Variants in PRKG1 observed in about 807,000 individuals in gnomAD.
PRKG1 encodes protein kinase cGMP-dependent 1.
A neutral mutation model predicts 88.1 loss-of-function variants in PRKG1; 35 were observed. That is an observed-to-expected ratio of 0.40 (90% CI 0.30 to 0.53). The LOEUF is 0.53. Among genes scored for constraint, PRKG1 ranks in the 20% least tolerant of loss-of-function variants. PRKG1 has a pLI of 0.59. For synonymous variants in PRKG1, 303 were observed against 292.5 expected, an observed-to-expected ratio of 1.04 and a Z score of -0.37; for missense variants, 540 against 839.8, an observed-to-expected ratio of 0.64 and a Z score of 4.41.
At chr10:51,620,036 C>A (rs1205693977) in intron 3 of PRKG1, among the ~76,000 whole-genome samples, 1 of 152,044 alleles carries the variant, frequency 6.6e-6, no homozygotes, top group African/African-American at 2.4e-5. Context: ...GGCAGACAAC[C>A]AGAGTAGTTA....
chr10:51,662,977 G>A (rs998587398), intron 3 of PRKG1, among the ~76,000 whole-genome samples: 13 of 152,030 alleles, frequency 8.6e-5, no homozygotes, highest in East Asian at 1.9e-4. Flanking sequence ...TAGCGAGTTC[G>A]GCTTTTAACC....
intron 5 of PRKG1, among the ~76,000 whole-genome samples, chr10:51,921,448 G>A (rs1842461218): frequency 6.6e-6 from 1 of 152,028 alleles, no homozygotes; most frequent in Non-Finnish European, 1.5e-5. Flanking sequence ...CTAATATAAT[G>A]CTGAATAGGA....
At chr10:51,695,122 C>T (rs1406267306) in intron 3 of PRKG1, among the ~76,000 whole-genome samples, 2 of 151,958 alleles carry the variant, frequency 1.3e-5, no homozygotes, top group Admixed American at 6.6e-5. Context: ...ATAGGCTGTC[C>T]CTGTGTTCAG....
chr10:51,948,912 A>G (rs185416353), intron 5 of PRKG1, among the ~76,000 whole-genome samples: 1 of 152,240 alleles, frequency 6.6e-6, no homozygotes, highest in Non-Finnish European at 1.5e-5. Flanking sequence ...AAAGTATAAG[A>G]TAACCAGAAT....
intron 3 of PRKG1, among the ~76,000 whole-genome samples, chr10:51,505,486 A>C (rs1374850974): frequency 2.0e-5 from 3 of 152,178 alleles, no homozygotes; most frequent in East Asian, 1.9e-4. Flanking sequence ...CTGGCCTCAT[A>C]AAATGAGTTA....
intron 2 of PRKG1, among the ~76,000 whole-genome samples, chr10:51,379,053 A>C (rs892575840): frequency 1.3e-5 from 2 of 152,146 alleles, no homozygotes; most frequent in Admixed American, 6.6e-5. Flanking sequence ...TTGACTCTCT[A>C]TCCCACCTCT....
At chr10:51,190,297 T>C (rs1367130824) in intron 2 of PRKG1, among the ~76,000 whole-genome samples, 2 of 151,876 alleles carry the variant, frequency 1.3e-5, no homozygotes, top group African/African-American at 4.8e-5. Flanking sequence ...CTACAGATGA[T>C]GGATTATGAA....
chr10:51,075,014 C>G, intron 1 of PRKG1, 113 bp downstream of exon 1: 1 of 1,379,816 alleles, frequency 7.2e-7, no homozygotes, highest in Non-Finnish European at 9.7e-7. Context: ...TGTCCTCATC[C>G]TCAGAAATGT....
intron 2 of PRKG1, among the ~76,000 whole-genome samples, chr10:51,164,951 G>A (rs1222655427): frequency 6.6e-6 from 1 of 152,210 alleles, no homozygotes; most frequent in African/African-American, 2.4e-5. Context: ...CGGGGAAAAT[G>A]GAACCAAGTT....
intron 3 of PRKG1, among the ~76,000 whole-genome samples, chr10:51,502,291 C>A (rs1237415038): frequency 6.6e-6 from 1 of 152,052 alleles, no homozygotes; most frequent in South Asian, 2.1e-4. Flanking sequence ...TCAGAATAAT[C>A]CTATCCCTGG....
At chr10:51,975,702 A>G (rs1003805898) in intron 5 of PRKG1, among the ~76,000 whole-genome samples, 2 of 152,114 alleles carry the variant, frequency 1.3e-5, no homozygotes, top group African/African-American at 4.8e-5. Context: ...TAAAACTCTT[A>G]GAAGGAAACA....
chr10:51,282,782 CAAA>C (rs35715275), intron 2 of PRKG1, among the ~76,000 whole-genome samples: 10 of 151,078 alleles, frequency 6.6e-5, no homozygotes, highest in African/African-American at 2.4e-4. Context: ...ACAAATTATA[CAAA>C]AAAAAACTAC....
At chr10:52,180,770 C>G (rs748003099) in intron 9 of PRKG1, among the ~76,000 whole-genome samples, 1 of 152,110 alleles carries the variant, frequency 6.6e-6, no homozygotes, top group Admixed American at 6.5e-5. Context: ...TACATGCGCA[C>G]GGTGAGTTGG....
At chr10:51,141,203 A>T (rs1286338001) in intron 1 of PRKG1, among the ~76,000 whole-genome samples, 1 of 152,112 alleles carries the variant, frequency 6.6e-6, no homozygotes, top group Non-Finnish European at 1.5e-5. Context: ...GAGTTACATC[A>T]TGTGCCTGCC....
chr10:51,717,879 C>G (rs1056648111), intron 3 of PRKG1, among the ~76,000 whole-genome samples: 15 of 151,570 alleles, frequency 9.9e-5, no homozygotes, highest in Admixed American at 9.9e-4. Context: ...ACAGCACAGA[C>G]AGCACATTAC....
chr10:51,153,056 A>G, intron 1 of PRKG1, 108 bp from the exon 2 acceptor site: 1 of 838,298 alleles, frequency 1.2e-6, no homozygotes, highest in East Asian at 3.0e-5. Context: ...ATTCCTAACA[A>G]GAAAATACAT....
At chr10:52,068,140 T>C (rs1846402388) in intron 7 of PRKG1, among the ~76,000 whole-genome samples, 1 of 135,228 alleles carries the variant, frequency 7.4e-6, no homozygotes, top group Non-Finnish European at 1.6e-5. Context: ...GAGGCGGAGC[T>C]TGCAGTGAGT....
At chr10:51,313,595 T>G (rs533254494) in intron 2 of PRKG1, among the ~76,000 whole-genome samples, 1 of 152,120 alleles carries the variant, frequency 6.6e-6, no homozygotes, top group African/African-American at 2.4e-5. Context: ...GGAAAAGAAA[T>G]AAAACAAATG....
chr10:52,148,957 C>CTTTTT (rs71904885), intron 8 of PRKG1, among the ~76,000 whole-genome samples: 5 of 55,160 alleles, frequency 9.1e-5, no homozygotes, highest in African/African-American at 3.7e-4. Flanking sequence ...GATAGTTTTG[C>CTTTTT]TTTTTTTTTT....
Sources: gnomAD v4.1 joint callset for allele counts (sites outside exome capture counted in the v4.1 genomes callset) on GRCh38, gnomAD v4.1.1 for gene constraint, MANE v1.5 for transcripts, NCBI Gene and HGNC (gene_info 2026-07-23, HGNC 2026-07-21) for gene names.